Variants in DMXL1 observed in about 807,000 individuals in gnomAD.
The protein encoded by DMXL1 is Dmx like 1.
DMXL1 carries 99 observed loss-of-function variants against 319.2 expected under a neutral mutation model. The ratio of observed to expected loss-of-function variants is 0.31; its 90% CI spans 0.26 to 0.37. The LOEUF is 0.37. Among genes scored for constraint, DMXL1 ranks in the 10% least tolerant of loss-of-function variants. The probability of loss-of-function intolerance (pLI) is 1.00; values close to 1 mark genes in which losing one functional copy is unlikely to be tolerated. For synonymous variants in DMXL1, 1,385 were observed against 1,235.2 expected, an observed-to-expected ratio of 1.12 and a Z score of -2.54; for missense variants, 3,745 against 3,595.6, an observed-to-expected ratio of 1.04 and a Z score of -1.06.
intron 37 of DMXL1, among the ~76,000 whole-genome samples, chr5:119,222,306 C>T (rs983730521): frequency 6.6e-6 from 1 of 152,154 alleles, no homozygotes; most frequent in African/African-American, 2.4e-5. Flanking sequence ...TTAAAGCCCT[C>T]TGTTCTCCTT....
intron 4 of DMXL1, 84 bp downstream of exon 4, chr5:119,105,342 C>T (rs1758101499): frequency 9.1e-7 from 1 of 1,100,600 alleles, no homozygotes; most frequent in Non-Finnish European, 1.4e-6. Context: ...TATTTCACTT[C>T]TGCTGGGTGT....
In DMXL1 at chr5:119,165,166, A is replaced by G. The variant is rs191370557; in HGVS notation, c.4873-17A>G. On this transcript the variant is annotated splice_polypyrimidine_tract_variant and intron_variant, in intron 20 of 43. Transcript: ENST00000539542. ...AACTGTTTCTGTGAAATTTTGATCAATATTTTTTGATTATAGGTAGCTAAA... is the reference window on the plus strand; with the variant it reads ...AACTGTTTCTGTGAAATTTTGATCAGTATTTTTTGATTATAGGTAGCTAAA... 1 of 1,482,660 alleles carries G rather than the reference A, an allele frequency of 6.7e-7. No individual in the cohort carries two copies. The highest frequency in any genetic ancestry group is 9.3e-7 in the Non-Finnish European group (1 of 1,076,346). The allele number at this position is 1,482,660 out of a possible 1,614,324, so 91.8% of individuals were successfully genotyped here.
chr5:119,245,330 C>G (rs1176651714), intron 43 of DMXL1, among the ~76,000 whole-genome samples: 1 of 152,154 alleles, frequency 6.6e-6, no homozygotes, highest in Admixed American at 6.5e-5. Flanking sequence ...AGCACTTACA[C>G]TTATTTAGTA....
intron 5 of DMXL1, among the ~76,000 whole-genome samples, chr5:119,110,775 C>T (rs989527125): frequency 2.3e-4 from 35 of 152,164 alleles, no homozygotes; most frequent in Middle Eastern, 3.4e-3. Flanking sequence ...ATTCTAATGC[C>T]ACAGATGATC....
At chr5:119,080,188 A>G (rs1374846704) in intron 1 of DMXL1, among the ~76,000 whole-genome samples, 1 of 152,054 alleles carries the variant, frequency 6.6e-6, no homozygotes, top group Non-Finnish European at 1.5e-5. Context: ...TCTACTAAAA[A>G]TACAAAAAAT....
chr5:119,206,385 A>G (rs1781747475), intron 33 of DMXL1: 1 of 152,418 alleles, frequency 6.6e-6, no homozygotes, highest in Non-Finnish European at 1.5e-5. Context: ...AGAGAATTAG[A>G]TACATGTAGA....
chr5:119,224,418 G>A (rs180739080), intron 37 of DMXL1, among the ~76,000 whole-genome samples: 152 of 151,876 alleles, frequency 1.0e-3, no homozygotes, highest in African/African-American at 3.5e-3. Flanking sequence ...GATTATTACT[G>A]AATAATAAAT....
chr5:119,208,622 A>G (rs1581336093), intron 34 of DMXL1, among the ~76,000 whole-genome samples: 1 of 152,296 alleles, frequency 6.6e-6, no homozygotes, highest in South Asian at 2.1e-4. Flanking sequence ...GTCAAAATAC[A>G]GTCTTTTTGA....
At chr5:119,112,505 T>C (rs1759864281) in intron 5 of DMXL1, among the ~76,000 whole-genome samples, 1 of 152,202 alleles carries the variant, frequency 6.6e-6, no homozygotes, top group African/African-American at 2.4e-5. Context: ...GAAGTGGTGA[T>C]AGCATAAATA....
chr5:119,169,620 G>A (rs1774152362), intron 23 of DMXL1, among the ~76,000 whole-genome samples: 1 of 152,132 alleles, frequency 6.6e-6, no homozygotes, highest in South Asian at 2.1e-4. Context: ...AGGCCCCAAA[G>A]CAAGAGTTTA....
In DMXL1 at chr5:119,148,987, A is replaced by T. The variant is rs757867713; in HGVS notation, c.3160A>T (p.Thr1054Ser). ...GCCTGTAGAAGTTAGCTGTGCACAT[A>T]CAAATCGTTTAGCAGTAGCTTATAA... ...GRPVEVSCAH[T>S]NRLAVAYKQP... The change falls in exon 18 of 44, where the codon ACA becomes TCA. Residue 1054 changes from threonine to serine, a missense_variant. Physicochemically the swap from Thr to Ser is moderately conservative, Grantham distance 58. Transcript: ENST00000539542. 1.4e-5 allele frequency: 22 copies of T among 1,613,964 alleles called. No homozygotes were observed. Among genetic ancestry groups the T allele is most frequent in the Non-Finnish European group, 1.9e-5 (22 of 1,179,870 alleles).
intron 1 of DMXL1, among the ~76,000 whole-genome samples, chr5:119,084,340 G>A (rs868693770): frequency 9.2e-5 from 14 of 151,750 alleles, no homozygotes; most frequent in South Asian, 4.2e-4. Context: ...GGCTGGTCTC[G>A]AACTCCTGAC....
intron 32 of DMXL1, among the ~76,000 whole-genome samples, chr5:119,200,322 G>T (rs907792855): frequency 3.0e-4 from 46 of 152,120 alleles, no homozygotes; most frequent in African/African-American, 8.4e-4. Flanking sequence ...ACCATTTATA[G>T]AATAGGGAGT....
intron 40 of DMXL1, 122 bp downstream of exon 40, chr5:119,237,536 C>T: frequency 1.7e-6 from 1 of 586,450 alleles, no homozygotes; most frequent in Non-Finnish European, 3.1e-6. Flanking sequence ...TGTTCTCAGT[C>T]ACTTTGCTGT....
chr5:119,235,052 CT>C, intron 39 of DMXL1, among the ~76,000 whole-genome samples: 1 of 152,210 alleles, frequency 6.6e-6, no homozygotes, highest in East Asian at 1.9e-4. Flanking sequence ...TTGACGAAGT[CT>C]AATAGCACAG....
At chr5:119,212,142 C>G (rs930732657) in intron 34 of DMXL1, among the ~76,000 whole-genome samples, 1 of 152,150 alleles carries the variant, frequency 6.6e-6, no homozygotes, top group Non-Finnish European at 1.5e-5. Context: ...AACCAACACA[C>G]CATCCATCTC....
rs1328471732 is a variant in DMXL1, at chr5:119,092,155, A to G, written c.88-5824A>G. ...CTCTTTGTCTTTTTTCATTTCTGAA[A>G]ATTGTCTTTTTTCATTCCTGTGGCC... On this transcript the variant is annotated intron_variant, in intron 1 of 43. Transcript: ENST00000539542. 9.2e-5 allele frequency among the ~76,000 whole-genome samples: 14 copies of G among 152,052 alleles called. No homozygotes were observed. In the East Asian group the frequency reaches 2.7e-3, roughly 29 times the overall value.
At chr5:119,135,823 T>A (rs1320430353) in intron 13 of DMXL1, among the ~76,000 whole-genome samples, 1 of 152,206 alleles carries the variant, frequency 6.6e-6, no homozygotes. Context: ...ATTAAACTTA[T>A]TTATAAATTA....
In DMXL1 at chr5:119,213,257, T is replaced by G. The variant is rs183456139; in HGVS notation, c.7927-3644T>G. On this transcript the variant is annotated intron_variant, in intron 34 of 43. Transcript: ENST00000539542. ...CAAAATAAGTGTAGTCAGCAGTGAT[T>G]TAGCCTAACCTGCCCATCATCATCT... 3.1e-4 allele frequency among the ~76,000 whole-genome samples: 47 copies of G among 152,320 alleles called. 2 individuals are homozygous for G. The highest frequency in any genetic ancestry group is 1.1e-3 in the African/African-American group (44 of 41,558).
Sources: gnomAD v4.1 joint callset for allele counts (sites outside exome capture counted in the v4.1 genomes callset) on GRCh38, gnomAD v4.1.1 for gene constraint, MANE v1.5 for transcripts, NCBI Gene and HGNC (gene_info 2026-07-23, HGNC 2026-07-21) for gene names.